Variants in OTUD7A observed in about 807,000 individuals in gnomAD.
OTUD7A encodes the protein OTU deubiquitinase 7A.
OTUD7A carries 12 observed loss-of-function variants against 65.7 expected under a neutral mutation model. That is an observed-to-expected ratio of 0.18 (90% CI 0.12 to 0.30). OTUD7A has a LOEUF of 0.30. Ranked by LOEUF, OTUD7A falls within the 10% of genes least tolerant of loss-of-function variation. OTUD7A has a pLI of 1.00. For missense variants in OTUD7A, 1,148 were observed against 1,304.8 expected (o/e 0.88, Z 1.85); for synonymous variants, 641 against 586.3 (o/e 1.09, Z -1.35).
chr15:31,805,968 T>A (rs1005706236), intron 1 of OTUD7A, among the ~76,000 whole-genome samples: 1 of 152,198 alleles, frequency 6.6e-6, no homozygotes, highest in Admixed American at 6.5e-5. Flanking sequence ...TAAAACACAT[T>A]TTAAGGGGGT....
chr15:31,766,404 T>C lies in OTUD7A; in HGVS notation c.-100+104103A>G, dbSNP rs1054969824. The C allele has an allele frequency of 3.8e-6, 6 of 1,580,852 alleles. No homozygotes were observed. The African/African-American group carries it at 8.1e-5, about 21-fold the overall frequency. Reference sequence around the variant, plus strand: ...AGCATCGATGGCAACCCTCTCTAAATGAGGTTGCAGCAAACTTTGTGTGCC... The same window carrying C: ...AGCATCGATGGCAACCCTCTCTAAACGAGGTTGCAGCAAACTTTGTGTGCC... On this transcript the variant is annotated intron_variant, in intron 1 of 12. Transcript: ENST00000307050.
intron 4 of OTUD7A, among the ~76,000 whole-genome samples, chr15:31,559,419 A>G (rs1256406259): frequency 6.6e-6 from 1 of 152,174 alleles, no homozygotes; most frequent in Non-Finnish European, 1.5e-5. Flanking sequence ...GCGCACATAC[A>G]TATACATGTG....
At chr15:31,828,427 C>T (rs76890091) in intron 1 of OTUD7A, among the ~76,000 whole-genome samples, 2,121 of 152,182 alleles carry the variant, frequency 0.014, 43 homozygotes, top group African/African-American at 0.049. Context: ...AATTAGCATA[C>T]GCATCAAACA....
At chr15:31,760,528 T>C (rs1032876254) in intron 1 of OTUD7A, among the ~76,000 whole-genome samples, 1 of 152,264 alleles carries the variant, frequency 6.6e-6, no homozygotes, top group African/African-American at 2.4e-5. Flanking sequence ...ATTGAACACA[T>C]TGAAGTTATC....
chr15:31,488,739 T>C (rs1034053059), intron 10 of OTUD7A, among the ~76,000 whole-genome samples: 7 of 152,078 alleles, frequency 4.6e-5, no homozygotes, highest in Non-Finnish European at 8.8e-5. Flanking sequence ...TGGTAAGAAA[T>C]TGGAAAAACT....
chr15:31,616,058 A>T (rs184212640), intron 3 of OTUD7A, among the ~76,000 whole-genome samples: 1 of 152,326 alleles, frequency 6.6e-6, no homozygotes, highest in East Asian at 1.9e-4. Context: ...CATGAATGAA[A>T]ATAAAACTGT....
intron 1 of OTUD7A, among the ~76,000 whole-genome samples, chr15:31,761,995 G>T (rs1321837228): frequency 6.6e-6 from 1 of 152,170 alleles, no homozygotes; most frequent in Admixed American, 6.5e-5. Flanking sequence ...ACAGAGGGGG[G>T]CATGTGTGTA....
intron 1 of OTUD7A, among the ~76,000 whole-genome samples, chr15:31,711,266 T>C (rs1450331491): frequency 1.3e-5 from 2 of 152,140 alleles, no homozygotes; most frequent in African/African-American, 4.8e-5. Context: ...AGGCTGTGAC[T>C]GATAACATTT....
At chr15:31,855,448 G>C (rs1034271050) in intron 1 of OTUD7A, among the ~76,000 whole-genome samples, 1 of 152,052 alleles carries the variant, frequency 6.6e-6, no homozygotes, top group African/African-American at 2.4e-5. Context: ...CAAGAAAGGA[G>C]GAAAACAGAG....
intron 3 of OTUD7A, among the ~76,000 whole-genome samples, chr15:31,645,564 T>C (rs1891637608): frequency 6.6e-6 from 1 of 152,238 alleles, no homozygotes; most frequent in African/African-American, 2.4e-5. Context: ...GTATGTATCT[T>C]ATTTTTCTTA....
intron 5 of OTUD7A, among the ~76,000 whole-genome samples, chr15:31,531,151 G>A (rs370492488): frequency 3.7e-4 from 56 of 152,002 alleles, no homozygotes; most frequent in African/African-American, 1.1e-3. Context: ...TCCTTTCACC[G>A]TCTTGCTTTT....
chr15:31,496,165 T>A (rs2041381157), intron 10 of OTUD7A, among the ~76,000 whole-genome samples: 1 of 151,848 alleles, frequency 6.6e-6, no homozygotes, highest in South Asian at 2.1e-4. Context: ...ACATACTTCC[T>A]CCATTATTTT....
chr15:31,509,600 AT>A (rs1211859065), intron 8 of OTUD7A, among the ~76,000 whole-genome samples: 1 of 152,026 alleles, frequency 6.6e-6, no homozygotes, highest in Non-Finnish European at 1.5e-5. Context: ...TTAAAACAAA[AT>A]TTTTTTAACC....
chr15:31,838,210 T>G (rs898424846), intron 1 of OTUD7A, among the ~76,000 whole-genome samples: 3 of 152,250 alleles, frequency 2.0e-5, no homozygotes, highest in Non-Finnish European at 4.4e-5. Context: ...TAGCACTACA[T>G]GAAAAGGTCT....
intron 1 of OTUD7A, among the ~76,000 whole-genome samples, chr15:31,754,430 G>A (rs1894752250): frequency 6.6e-6 from 1 of 152,122 alleles, no homozygotes; most frequent in Non-Finnish European, 1.5e-5. Context: ...TGAAATCCTT[G>A]CCTAAGCCAA....
At chr15:31,551,949 T>A (rs1325259396) in intron 5 of OTUD7A, among the ~76,000 whole-genome samples, 1 of 152,152 alleles carries the variant, frequency 6.6e-6, no homozygotes, top group African/African-American at 2.4e-5. Flanking sequence ...GTTTGTCCCC[T>A]CCAAATCTAT....
At position 31,487,438 on chromosome 15, in the gene OTUD7A, G is replaced by C; in HGVS notation, c.1286+14C>G. On this transcript the variant is annotated intron_variant, in intron 11 of 12. Transcript: ENST00000307050. This position sits in a 1 kb window ranked among gnomAD's most constrained non-coding sequence, Gnocchi z 6.0. ...CCTGTGGGCGCTGGGGAAAGGGACA[G>C]AGTAGGATCTTACTGGGCCAGCCGG... 3 of 1,612,610 alleles carry C rather than the reference G, an allele frequency of 1.9e-6. No homozygotes were observed. The highest frequency in any genetic ancestry group is 1.7e-6 in the Non-Finnish European group (2 of 1,179,048).
intron 1 of OTUD7A, among the ~76,000 whole-genome samples, chr15:31,816,128 C>T (rs991067702): frequency 2.0e-5 from 3 of 152,164 alleles, no homozygotes; most frequent in South Asian, 2.1e-4. Flanking sequence ...TTGAGGGCTC[C>T]GGCCTCTTTC....
intron 5 of OTUD7A, among the ~76,000 whole-genome samples, chr15:31,535,674 G>GTTT (rs55826357): frequency 1.2e-4 from 14 of 112,028 alleles, no homozygotes; most frequent in East Asian, 2.4e-4. Context: ...TTCTGTTTTT[G>GTTT]TTTTTTTTTT....
Sources: allele counts gnomAD v4.1 joint callset (sites outside exome capture counted in the v4.1 genomes callset), GRCh38; gene constraint gnomAD v4.1.1; non-coding constraint Gnocchi (gnomAD v3.1); transcripts MANE v1.5; gene names NCBI Gene and HGNC (gene_info 2026-07-23, HGNC 2026-07-21).